TULP3: variants seen among roughly 807,000 people sequenced by gnomAD.
The protein encoded by TULP3 is TUB like protein 3, also known as tubby-related protein 3.
TULP3 carries 38 observed loss-of-function variants against 50.7 expected under a neutral mutation model. That is an observed-to-expected ratio of 0.75 (90% confidence interval 0.58 to 0.98). The LOEUF is 0.98. Ranked by LOEUF, TULP3 falls within the 50% of genes least tolerant of loss-of-function variation. The probability of loss-of-function intolerance (pLI) is 0.00; values close to 1 mark genes in which losing one functional copy is unlikely to be tolerated. For missense variants in TULP3, 550 were observed against 568.0 expected (o/e 0.97, Z 0.32); for synonymous variants, 183 against 196.6 (o/e 0.93, Z 0.58).
At chr12:2,898,997 A>C (rs2098177237) in intron 1 of TULP3, among the ~76,000 whole-genome samples, 1 of 152,118 alleles carries the variant, frequency 6.6e-6, no homozygotes, top group African/African-American at 2.4e-5. Context: ...AATTTAATAT[A>C]ATTTTTACAT....
chr12:2,937,121 G>A (rs1438598531), intron 8 of TULP3, among the ~76,000 whole-genome samples: 2 of 141,956 alleles, frequency 1.4e-5, no homozygotes, highest in African/African-American at 5.2e-5. Context: ...AAAAAGAGAA[G>A]TATAAAGAGA....
chr12:2,891,111 G>A (rs1300190317), intron 1 of TULP3, 123 bp downstream of exon 1: 1 of 1,220,094 alleles, frequency 8.2e-7, no homozygotes, highest in East Asian at 2.9e-5. Context: ...GACTCAGGGA[G>A]GGACTGGTTT....
intron 1 of TULP3, among the ~76,000 whole-genome samples, chr12:2,905,890 G>T (rs1457751344): frequency 6.6e-6 from 1 of 151,744 alleles, no homozygotes; most frequent in African/African-American, 2.4e-5. Context: ...CACACCTTTG[G>T]TTTAGTGTTG....
At position 2,940,354 on chromosome 12, in the gene TULP3, T is replaced by C. The variant is rs2153950801; in HGVS notation, c.*910T>C. The C allele has an allele frequency of 3.4e-6, 5 of 1,466,706 alleles. No individual in the cohort carries two copies. The highest frequency in any genetic ancestry group is 2.1e-4 in the Middle Eastern group (1 of 4,722). The allele number at this position is 1,466,706 out of a possible 1,614,324, so 90.9% of individuals were successfully genotyped here. On this transcript the variant is annotated 3_prime_UTR_variant, in exon 11 of 11. Transcript: ENST00000448120. ...AAAAAAAAAAGGTGGCAGGAGAGGC[T>C]TTGGGGAGGATCAGCCAGCAGACAT...
At chr12:2,902,898 G>A (rs1378661107) in intron 1 of TULP3, among the ~76,000 whole-genome samples, 1 of 148,390 alleles carries the variant, frequency 6.7e-6, no homozygotes, top group Non-Finnish European at 1.5e-5. Flanking sequence ...GTCTCGCGCT[G>A]TTGCCCAGGC....
chr12:2,937,548 C>A, intron 8 of TULP3, 83 bp from the exon 9 acceptor site: 1 of 987,604 alleles, frequency 1.0e-6, no homozygotes, highest in Non-Finnish European at 1.6e-6. Context: ...TCTTACATTC[C>A]CAAGAAAGTC....
chr12:2,936,471 C>T (rs912683341), intron 8 of TULP3, among the ~76,000 whole-genome samples: 2 of 151,900 alleles, frequency 1.3e-5, no homozygotes, highest in African/African-American at 4.8e-5. Context: ...GAGTAAGAGG[C>T]CGGGCGTGGT....
rs759501272 is a variant in TULP3, at chr12:2,933,540, A to G, written c.809+10A>G. On this transcript the variant is annotated intron_variant, in intron 7 of 10. Transcript: ENST00000448120. Reference sequence around the variant, plus strand: ...ATGTCGGCAAGCTTAGGTGAAAGCAACCTTAGATCACTGTCCTATTCTTTC... The same window carrying G: ...ATGTCGGCAAGCTTAGGTGAAAGCAGCCTTAGATCACTGTCCTATTCTTTC... The G allele has an allele frequency of 3.3e-6, 5 of 1,529,140 alleles. No individual in the cohort carries two copies. The highest frequency in any genetic ancestry group is 1.1e-5 in the South Asian group (1 of 89,184). 94.7% of individuals were successfully genotyped at this position (1,529,140 alleles called of 1,614,324 possible).
intron 1 of TULP3, among the ~76,000 whole-genome samples, chr12:2,901,926 TGTTA>T (rs1256170524): frequency 6.6e-6 from 1 of 152,226 alleles, no homozygotes; most frequent in Admixed American, 6.5e-5. Context: ...TTCTAAAGGA[TGTTA>T]GTCAATCTTC....
chr12:2,924,021 G>C (rs566324428), intron 4 of TULP3, among the ~76,000 whole-genome samples: 1 of 152,244 alleles, frequency 6.6e-6, no homozygotes, highest in East Asian at 1.9e-4. Context: ...AAATATGTTT[G>C]AGTACATACC....
At chr12:2,894,392 C>T (rs886840675) in intron 1 of TULP3, among the ~76,000 whole-genome samples, 1 of 151,850 alleles carries the variant, frequency 6.6e-6, no homozygotes, top group Non-Finnish European at 1.5e-5. Context: ...AAAACTTAGC[C>T]AGGCATGGTG....
rs139587479 is a variant in TULP3, at chr12:2,894,643, C to G, written c.41+3655C>G. 5.2e-3 allele frequency among the ~76,000 whole-genome samples: 784 copies of G among 152,160 alleles called. 5 individuals carry two copies. The highest frequency in any genetic ancestry group is 0.018 in the African/African-American group (729 of 41,524). ...AGGTGCAGTGGCTCATGCCTGTAAT[C>G]CCAGCACTTTGGGAGGCGGAGGTGG... is the stretch of plus-strand genomic sequence containing the variant. On this transcript the variant is annotated intron_variant, in intron 1 of 10. Coordinates refer to ENST00000448120, the MANE Select transcript of TULP3 (RefSeq NM_003324.5).
intron 8 of TULP3, among the ~76,000 whole-genome samples, chr12:2,934,985 T>C (rs929004385): frequency 1.4e-4 from 22 of 152,172 alleles, no homozygotes; most frequent in African/African-American, 5.3e-4. Flanking sequence ...CTTATTATTA[T>C]TTGTTTTATT....
chr12:2,906,502 G>A (rs910881699), intron 1 of TULP3, among the ~76,000 whole-genome samples: 1 of 150,348 alleles, frequency 6.7e-6, no homozygotes. Flanking sequence ...CTAATTTTTT[G>A]TATTTTAGTA....
intron 4 of TULP3, among the ~76,000 whole-genome samples, chr12:2,929,419 A>G (rs10848744): frequency 0.48 from 72,586 of 152,024 alleles, 17,798 homozygotes; most frequent in African/African-American, 0.6. Flanking sequence ...AAGTGATCCA[A>G]CCACCTCAGC....
At chr12:2,903,370 C>T (rs1401042326) in intron 1 of TULP3, among the ~76,000 whole-genome samples, 1 of 151,472 alleles carries the variant, frequency 6.6e-6, no homozygotes, top group Non-Finnish European at 1.5e-5. Context: ...CAAGTCCAGC[C>T]AGACCAACAG....
At position 2,931,236 on chromosome 12, in the gene TULP3, A is replaced by T. The variant is rs2098197892; in HGVS notation, c.692A>T (p.Gln231Leu). ...YYMYLEKEEN[Q>L]KIFLLAARKR... is the part of the protein sequence containing the mutation. ...ATGTACTTGGAAAAAGAAGAAAATCAGAAGGTATGAGAATTGATTTCTAAG... is the reference window on the plus strand; with the variant it reads ...ATGTACTTGGAAAAAGAAGAAAATCTGAAGGTATGAGAATTGATTTCTAAG... Residue 231 changes from glutamine (Q) to leucine (L), a missense_variant, in exon 6 of 11, where the codon CAG becomes CTG. By Grantham distance (113) the Gln-to-Leu change is moderately radical. Transcript: ENST00000448120. 3 of 1,613,682 alleles carry T rather than the reference A, an allele frequency of 1.9e-6. No individual in the cohort carries two copies. The highest frequency in any genetic ancestry group is 2.5e-6 in the Non-Finnish European group (3 of 1,179,848).
chr12:2,919,883 TCTC>T (rs747945917), intron 2 of TULP3, among the ~76,000 whole-genome samples: 64 of 152,094 alleles, frequency 4.2e-4, no homozygotes, highest in Non-Finnish European at 8.8e-4. Flanking sequence ...ATTTTTTTCT[TCTC>T]ACCCTTGATC....
intron 1 of TULP3, among the ~76,000 whole-genome samples, chr12:2,905,863 C>G (rs1186648751): frequency 6.6e-6 from 1 of 151,348 alleles, no homozygotes; most frequent in Non-Finnish European, 1.5e-5. Flanking sequence ...TTTGTTTTCC[C>G]CCATGCCAGA....
Sources: gnomAD v4.1 joint callset for allele counts (sites outside exome capture counted in the v4.1 genomes callset) on GRCh38, gnomAD v4.1.1 for gene constraint, MANE v1.5 for transcripts, NCBI Gene and HGNC (gene_info 2026-07-23, HGNC 2026-07-21) for gene names.